DOCK3: variants seen among roughly 807,000 people sequenced by gnomAD.
The protein encoded by DOCK3 is dedicator of cytokinesis protein 3.
A neutral mutation model predicts 265.6 loss-of-function variants in DOCK3; 60 were observed. The observed-to-expected ratio is 0.23, with a 90% CI of 0.18 to 0.28. The LOEUF is 0.28. DOCK3 is among the 10% of genes least tolerant of loss of function. DOCK3 has a pLI of 1.00. For missense variants in DOCK3, 1,981 were observed against 2,594.3 expected, an observed-to-expected ratio of 0.76 and a Z score of 5.14; for synonymous variants, 881 against 938.0, an observed-to-expected ratio of 0.94 and a Z score of 1.11.
intron 1 of DOCK3, among the ~76,000 whole-genome samples, chr3:50,694,722 A>G (rs1364979941): frequency 6.6e-6 from 1 of 152,202 alleles, no homozygotes; most frequent in Non-Finnish European, 1.5e-5. Flanking sequence ...GAGGTATGAG[A>G]ATCACTTGAA....
intron 9 of DOCK3, among the ~76,000 whole-genome samples, chr3:51,133,870 T>C (rs2084673288): frequency 6.6e-6 from 1 of 152,110 alleles, no homozygotes. Flanking sequence ...GAATGTTCTT[T>C]CATCACCCAG....
chr3:50,859,673 G>C (rs1388258689), intron 3 of DOCK3, among the ~76,000 whole-genome samples: 2 of 152,142 alleles, frequency 1.3e-5, no homozygotes. Context: ...GCTTTGTGTG[G>C]GGGTTTTATT....
At chr3:51,036,462 G>A (rs1237054074) in intron 5 of DOCK3, among the ~76,000 whole-genome samples, 1 of 152,110 alleles carries the variant, frequency 6.6e-6, no homozygotes, top group South Asian at 2.1e-4. Flanking sequence ...TTAAATGGGT[G>A]AACATTCTAC....
chr3:50,868,965 A>G (rs573310638), intron 3 of DOCK3, among the ~76,000 whole-genome samples: 1 of 76,088 alleles, frequency 1.3e-5, no homozygotes, highest in Admixed American at 1.7e-4. Context: ...TTAACTTTTC[A>G]AAAAACCAAC....
At chr3:51,065,064 C>T (rs2081542529) in intron 6 of DOCK3, among the ~76,000 whole-genome samples, 1 of 152,070 alleles carries the variant, frequency 6.6e-6, no homozygotes, top group African/African-American at 2.4e-5. Flanking sequence ...CCTTGTCATT[C>T]AGTAATAGTC....
intron 10 of DOCK3, among the ~76,000 whole-genome samples, chr3:51,155,873 A>C (rs2085824313): frequency 6.6e-6 from 1 of 152,212 alleles, no homozygotes; most frequent in Non-Finnish European, 1.5e-5. Flanking sequence ...GACCTCATAC[A>C]CACTGCCGGC....
chr3:51,352,151 G>C (rs12493978), intron 40 of DOCK3, among the ~76,000 whole-genome samples: 1 of 152,144 alleles, frequency 6.6e-6, no homozygotes, highest in African/African-American at 2.4e-5. Context: ...AGCATTTCCA[G>C]AAAGTCCTTT....
chr3:51,243,013 G>C (rs1213306695), intron 21 of DOCK3, among the ~76,000 whole-genome samples: 2 of 152,142 alleles, frequency 1.3e-5, no homozygotes, highest in Non-Finnish European at 2.9e-5. Context: ...GGTCACCTGA[G>C]GCTGCCCTGC....
rs146265099 is a variant in DOCK3 at position 50,958,953 on chromosome 3, T to C, written c.315+24876T>C. 3.3e-5 allele frequency among the ~76,000 whole-genome samples: 5 copies of C among 152,302 alleles called. No individual in the cohort carries two copies. In the East Asian group the frequency reaches 7.7e-4, roughly 24 times the overall value. ...ACCCATAAAATTCATTCATTTTAAG[T>C]ATAGATTTACATGATCTTCAGTCAA... On this transcript the variant is annotated intron_variant, in intron 5 of 52. Transcript: ENST00000266037.
At chr3:51,227,495 C>A (rs372015275) in intron 16 of DOCK3, 50 bp downstream of exon 16, 1 of 1,604,188 alleles carries the variant, frequency 6.2e-7, no homozygotes, top group African/African-American at 1.3e-5. Flanking sequence ...ATAAATATAA[C>A]TCTCTCCTCT....
intron 3 of DOCK3, among the ~76,000 whole-genome samples, chr3:50,857,109 A>G (rs2046637606): frequency 6.6e-6 from 1 of 152,074 alleles, no homozygotes; most frequent in Non-Finnish European, 1.5e-5. Flanking sequence ...ATCTATGTTT[A>G]TCAGGGATAT....
intron 40 of DOCK3, among the ~76,000 whole-genome samples, chr3:51,352,671 G>C (rs2086082459): frequency 6.6e-6 from 1 of 152,212 alleles, no homozygotes; most frequent in Non-Finnish European, 1.5e-5. Flanking sequence ...AATTTCCTCA[G>C]CCAACCCACA....
At chr3:51,233,112 T>C (rs1388044413) in intron 19 of DOCK3, among the ~76,000 whole-genome samples, 1 of 152,204 alleles carries the variant, frequency 6.6e-6, no homozygotes, top group Non-Finnish European at 1.5e-5. Flanking sequence ...TTGGACTCTT[T>C]TTCAGTTCTG....
intron 12 of DOCK3, among the ~76,000 whole-genome samples, chr3:51,185,601 T>C (rs2087551957): frequency 6.6e-6 from 1 of 152,162 alleles, no homozygotes; most frequent in Admixed American, 6.5e-5. Flanking sequence ...TCTCTCAGGG[T>C]AACTGATATG....
intron 28 of DOCK3, among the ~76,000 whole-genome samples, chr3:51,311,038 A>G (rs1241300340): frequency 1.3e-5 from 2 of 152,238 alleles, no homozygotes; most frequent in African/African-American, 4.8e-5. Context: ...ACTTTTTCCA[A>G]AATACAAATG....
intron 4 of DOCK3, among the ~76,000 whole-genome samples, chr3:50,897,446 C>T (rs915781700): frequency 6.6e-6 from 1 of 152,162 alleles, no homozygotes; most frequent in African/African-American, 2.4e-5. Context: ...ATTTGATTTT[C>T]TCTCTTCCTA....
At chr3:51,373,922 G>C (rs1026725452) in intron 49 of DOCK3, among the ~76,000 whole-genome samples, 1 of 152,348 alleles carries the variant, frequency 6.6e-6, no homozygotes, top group South Asian at 2.1e-4. Flanking sequence ...AATCTGGAAG[G>C]GAGAAGCCTC....
chr3:50,751,562 G>A (rs141893327), intron 1 of DOCK3, among the ~76,000 whole-genome samples: 1 of 152,266 alleles, frequency 6.6e-6, no homozygotes, highest in African/African-American at 2.4e-5. Flanking sequence ...TGTTAACTGA[G>A]ATTCATAGTA....
intron 22 of DOCK3, among the ~76,000 whole-genome samples, chr3:51,252,942 G>C (rs1357401662): frequency 6.6e-6 from 1 of 152,192 alleles, no homozygotes; most frequent in Non-Finnish European, 1.5e-5. Context: ...TCTTGTGCCA[G>C]TTTTCAAAGG....
Sources: allele counts gnomAD v4.1 joint callset (sites outside exome capture counted in the v4.1 genomes callset), GRCh38; gene constraint gnomAD v4.1.1; transcripts MANE v1.5; gene names NCBI Gene and HGNC (gene_info 2026-07-23, HGNC 2026-07-21).